PIGN: variants seen among roughly 807,000 people sequenced by gnomAD.
PIGN encodes phosphatidylinositol glycan anchor biosynthesis class N, also known as GPI ethanolamine phosphate transferase 1.
Under a neutral mutation model 125.4 loss-of-function variants are expected in PIGN, and 117 were observed. The observed-to-expected ratio is 0.93, with a 90% CI of 0.80 to 1.09. The LOEUF is 1.09. Ranked by LOEUF, PIGN falls within the 50% of genes least tolerant of loss-of-function variation. PIGN has a pLI of 0.00. For synonymous variants in PIGN, 392 were observed against 377.8 expected (o/e 1.04, Z -0.44); for missense variants, 1,075 against 1,094.9 (o/e 0.98, Z 0.26).
At chr18:62,090,069 T>G (rs1181644787) in intron 24 of PIGN, among the ~76,000 whole-genome samples, 1 of 152,170 alleles carries the variant, frequency 6.6e-6, no homozygotes, top group Non-Finnish European at 1.5e-5. Flanking sequence ...AATAGAAACG[T>G]AAATGTCACC....
intron 23 of PIGN, among the ~76,000 whole-genome samples, chr18:62,090,948 T>A (rs1415676388): frequency 6.6e-6 from 1 of 152,034 alleles, no homozygotes; most frequent in African/African-American, 2.4e-5. Context: ...CTCTAAATTT[T>A]CAAAAAAATG....
chr18:62,101,845 G>A lies in PIGN; in HGVS notation c.1969-662C>T, dbSNP rs76705724. 9.7e-3 allele frequency among the ~76,000 whole-genome samples: 1,471 copies of A among 152,096 alleles called. 46 individuals are homozygous for A. The highest frequency in any genetic ancestry group is 0.069 in the East Asian group (355 of 5,174). On this transcript the variant is annotated intron_variant, in intron 21 of 30. Coordinates refer to ENST00000640252, the MANE Select transcript of PIGN (RefSeq NM_176787.5). ...AAAAGAAAAACAGATGTTTTCCATC[G>A]TTATCTATGGAAAAAGTTGTCATTT...
At chr18:62,065,459 C>T (rs553076978) in intron 30 of PIGN, among the ~76,000 whole-genome samples, 12 of 152,202 alleles carry the variant, frequency 7.9e-5, no homozygotes, top group African/African-American at 2.4e-4. Flanking sequence ...ACAGGCTTGG[C>T]GGGGCGTGGT....
intron 28 of PIGN, among the ~76,000 whole-genome samples, chr18:62,076,614 T>G (rs1355979568): frequency 6.6e-6 from 1 of 152,232 alleles, no homozygotes; most frequent in Non-Finnish European, 1.5e-5. Context: ...CCTAGAAGTT[T>G]AAATCTGTGG....
At chr18:62,167,093 G>A (rs2037163144) in intron 1 of PIGN, among the ~76,000 whole-genome samples, 1 of 152,130 alleles carries the variant, frequency 6.6e-6, no homozygotes, top group African/African-American at 2.4e-5. Context: ...TATTTATTTA[G>A]TGTATCTCTT....
intron 1 of PIGN, among the ~76,000 whole-genome samples, chr18:62,164,310 TAA>T (rs2037055879): frequency 6.6e-6 from 1 of 152,202 alleles, no homozygotes; most frequent in Admixed American, 6.5e-5. Context: ...CTATAATATA[TAA>T]CATAATGTAT....
At chr18:62,086,614 TTTTG>T (rs1476992522) in intron 25 of PIGN, among the ~76,000 whole-genome samples, 3 of 104,182 alleles carry the variant, frequency 2.9e-5, no homozygotes, top group Admixed American at 8.4e-5. Context: ...AGACTCCGTT[TTTTG>T]TTTTTTTTTT....
rs766146498 is a variant in PIGN at position 62,095,930 on chromosome 18, G to A, written c.2098C>T (p.Leu700=). 2 of 1,611,282 alleles carry A rather than the reference G, an allele frequency of 1.2e-6. No individual in the cohort carries two copies. Among genetic ancestry groups the A allele is most frequent in the Admixed American group, 3.3e-5 (2 of 59,958 alleles). Residue 700 remains leucine (L), a synonymous_variant, in exon 23 of 31, where the codon CTA becomes TTA. Coordinates refer to ENST00000640252, the MANE Select transcript of PIGN (RefSeq NM_176787.5). ...ATLASSLVVP[L]LSSPVLFQRL... The stretch of plus-strand genomic sequence containing the variant: ...TGAAAGAGAACTGGAGAACTCAGTA[G>A]TGGCACAACCAAGGAAGAGGCTGCA...
chr18:62,177,063 T>C lies in PIGN; in HGVS notation c.-236+9781A>G, dbSNP rs117553741. 7.0e-3 allele frequency among the ~76,000 whole-genome samples: 1,064 copies of C among 152,248 alleles called. 4 individuals are homozygous for C. Among genetic ancestry groups the C allele is most frequent in the South Asian group, 0.017 (84 of 4,826 alleles). On this transcript the variant is annotated intron_variant, in intron 1 of 30. Coordinates refer to ENST00000640252, the MANE Select transcript of PIGN (RefSeq NM_176787.5). ...TTTTATGGATAGCTCTGATTTCAGG[T>C]AACCTTTGTTCTTGTCAAACATGAT...
chr18:62,105,562 T>A lies in PIGN; in HGVS notation c.1840A>T (p.Lys614Ter). Reference protein sequence around the residue: ...VFPLMPVVGRKPDISLVMGAG... With the variant: ...VFPLMPVVGR The stretch of plus-strand genomic sequence containing the variant: ...TCATACACTAGAGAGATGTCTGGCT[T>A]TCGACCTACAACCGGCATCAGTGGG... The change falls in exon 20 of 31, where the codon AAG becomes TAG. Residue 614 changes from lysine (K) to a stop codon, truncating the protein, a stop_gained. Coordinates refer to ENST00000640252, the MANE Select transcript of PIGN (RefSeq NM_176787.5). LOFTEE classifies it high-confidence loss of function. The A allele has an allele frequency of 6.5e-7, 1 of 1,548,430 alleles. No homozygotes were observed. The highest frequency in any genetic ancestry group is 8.7e-7 in the Non-Finnish European group (1 of 1,142,980).
chr18:62,154,612 G>A lies in PIGN; in HGVS notation c.482C>T (p.Ala161Val), dbSNP rs1347799456. ...GDHVYTYSYD[A>V]KREDFGAQDA... ...TTGAGCACCAAAATCCTCTCTTTTA[G>A]CATCATAACTATATGTATAAACGTG... The change falls in exon 7 of 31, where the codon GCT (alanine) becomes GTT (valine). Residue 161 changes from alanine to valine, a missense_variant. Physicochemically the swap from Ala to Val is moderately conservative, Grantham distance 64 (BLOSUM62 0). Around this residue, in one of 3 missense-constraint regions of PIGN, gnomAD observed 915 missense variants for 908.7 expected, o/e 1.01. Transcript: ENST00000640252. 1.3e-6 allele frequency: 2 copies of A among 1,584,814 alleles called. No individual in the cohort carries two copies. Among genetic ancestry groups the A allele is most frequent in the East Asian group, 4.5e-5 (2 of 44,592 alleles).
Position 62,041,704 on chromosome 18 carries a change from T to TAG in PIGN, c.*4151_*4152insCT. The TAG allele has an allele frequency of 1.4e-5, 2 of 142,668 alleles. No individual in the cohort carries two copies. The highest frequency in any genetic ancestry group is 4.2e-4 in the East Asian group (2 of 4,810). 8.8% of individuals were successfully genotyped at this position (142,668 alleles called of 1,614,324 possible). A position where few individuals can be genotyped will look rare whatever the true frequency, so the allele number is the denominator to read the frequency against. ...GTGTGTGTGTGTGTGTGTGTGTGTG[T>TAG]GTTTAGTAGAGATGGGGTTTTGCCA... On this transcript the variant is annotated 3_prime_UTR_variant, in exon 31 of 31. Coordinates refer to ENST00000640252, the MANE Select transcript of PIGN (RefSeq NM_176787.5).
intron 15 of PIGN, among the ~76,000 whole-genome samples, chr18:62,113,562 G>T (rs760737734): frequency 9.5e-4 from 145 of 152,164 alleles, no homozygotes; most frequent in Non-Finnish European, 1.5e-3. Flanking sequence ...TAAACTATTT[G>T]TGTTGTATAT....
At chr18:62,131,389 A>C (rs1234523432) in intron 14 of PIGN, among the ~76,000 whole-genome samples, 1 of 151,864 alleles carries the variant, frequency 6.6e-6, no homozygotes, top group Non-Finnish European at 1.5e-5. Flanking sequence ...TTTTCTTTTA[A>C]ATTATTTCTT....
chr18:62,080,834 A>G, intron 28 of PIGN, among the ~76,000 whole-genome samples: 1 of 152,182 alleles, frequency 6.6e-6, no homozygotes, highest in East Asian at 1.9e-4. Context: ...TTAGATTTTC[A>G]TTGCTTACAT....
chr18:62,151,859 C>T (rs944176243), intron 7 of PIGN, among the ~76,000 whole-genome samples: 2 of 152,126 alleles, frequency 1.3e-5, no homozygotes, highest in African/African-American at 4.8e-5. Flanking sequence ...CCTAACCTAC[C>T]AAACATCATA....
At chr18:62,107,265 G>A (rs374888762) in intron 17 of PIGN, among the ~76,000 whole-genome samples, 180 bp from the exon 18 acceptor site, 7 of 151,702 alleles carry the variant, frequency 4.6e-5, no homozygotes, top group Non-Finnish European at 1.0e-4. Flanking sequence ...TTTTAATCTA[G>A]AAGTATTTTA....
intron 14 of PIGN, among the ~76,000 whole-genome samples, chr18:62,127,318 C>T (rs1396880276): frequency 5.3e-5 from 8 of 152,172 alleles, no homozygotes; most frequent in African/African-American, 1.9e-4. Flanking sequence ...AGAATATTTA[C>T]ATCAGGCTAC....
chr18:62,092,315 G>C (rs1242893509), intron 23 of PIGN, among the ~76,000 whole-genome samples: 2 of 152,014 alleles, frequency 1.3e-5, no homozygotes, highest in African/African-American at 2.4e-5. Flanking sequence ...TGATGAAATA[G>C]TACCCCTCAT....
Sources: allele counts gnomAD v4.1 joint callset (sites outside exome capture counted in the v4.1 genomes callset), GRCh38; gene constraint gnomAD v4.1.1; regional missense constraint gnomAD v4.1.1; transcripts MANE v1.5; gene names NCBI Gene and HGNC (gene_info 2026-07-23, HGNC 2026-07-21).